DLG2: variants seen among roughly 807,000 people sequenced by gnomAD.
DLG2 encodes the protein disks large homolog 2.
DLG2 carries 45 observed loss-of-function variants against 132.5 expected under a neutral mutation model. That is an observed-to-expected ratio of 0.34 (90% confidence interval 0.27 to 0.44). The LOEUF is 0.44. DLG2 is among the 20% of genes least tolerant of loss of function. DLG2 has a pLI of 1.00. For missense variants in DLG2, 1,045 were observed against 1,196.9 expected (o/e 0.87, Z 1.87); for synonymous variants, 424 against 419.6 (o/e 1.01, Z -0.13).
At chr11:84,622,823 C>T (rs1014698515) in intron 6 of DLG2, among the ~76,000 whole-genome samples, 5 of 152,116 alleles carry the variant, frequency 3.3e-5, no homozygotes, top group African/African-American at 7.2e-5. Context: ...GCTTTGAATG[C>T]CATGTATGTT....
chr11:84,693,963 G>A (rs1048896971), intron 6 of DLG2, among the ~76,000 whole-genome samples: 2 of 151,540 alleles, frequency 1.3e-5, no homozygotes, highest in South Asian at 2.1e-4. Context: ...TGTTCATGGC[G>A]CCATGATTAA....
chr11:85,588,937 C>T (rs942231420), intron 3 of DLG2, among the ~76,000 whole-genome samples: 2 of 152,124 alleles, frequency 1.3e-5, no homozygotes, highest in Non-Finnish European at 2.9e-5. Context: ...ACTGGTATTG[C>T]TCTTCTGAGT....
intron 6 of DLG2, among the ~76,000 whole-genome samples, chr11:85,022,149 A>G (rs1456511085): frequency 6.6e-6 from 1 of 152,078 alleles, no homozygotes; most frequent in Admixed American, 6.5e-5. Flanking sequence ...TAATTAATAG[A>G]CTTAAGGCAC....
chr11:84,071,487 C>G (rs1180828697), intron 10 of DLG2, among the ~76,000 whole-genome samples: 2 of 152,074 alleles, frequency 1.3e-5, no homozygotes, highest in South Asian at 2.1e-4. Flanking sequence ...CTCAGCGCAG[C>G]CTTGAACTCC....
chr11:83,806,626 A>T (rs1176881099), intron 17 of DLG2, among the ~76,000 whole-genome samples: 1 of 152,212 alleles, frequency 6.6e-6, no homozygotes, highest in Non-Finnish European at 1.5e-5. Context: ...CCACGAGGGC[A>T]GTCCCAGCCA....
chr11:85,354,275 A>C (rs2083520298), intron 3 of DLG2, among the ~76,000 whole-genome samples: 1 of 152,160 alleles, frequency 6.6e-6, no homozygotes. Flanking sequence ...TATAAATTAA[A>C]ACTAACTTAA....
At chr11:85,453,792 A>G (rs569528817) in intron 3 of DLG2, 3 of 152,008 alleles carry the variant, frequency 2.0e-5, no homozygotes, top group African/African-American at 7.2e-5. Context: ...CTTTTTTTAA[A>G]TTTTATTTGG....
intron 4 of DLG2, among the ~76,000 whole-genome samples, chr11:85,155,026 C>T (rs1025244132): frequency 6.6e-6 from 1 of 152,204 alleles, no homozygotes; most frequent in African/African-American, 2.4e-5. Context: ...TCTATGGAAG[C>T]TATTGGAGCT....
At chr11:85,373,764 T>G (rs1415536821) in intron 3 of DLG2, among the ~76,000 whole-genome samples, 1 of 152,134 alleles carries the variant, frequency 6.6e-6, no homozygotes, top group Non-Finnish European at 1.5e-5. Context: ...CTTTAAACCA[T>G]CTGTGAGCCT....
intron 15 of DLG2, among the ~76,000 whole-genome samples, chr11:83,916,086 T>C (rs75730118): frequency 0.018 from 2,766 of 152,260 alleles, 90 homozygotes; most frequent in African/African-American, 0.063. Flanking sequence ...TTCTTTTTTC[T>C]GGTTAAATAA....
chr11:85,461,932 C>T (rs534621001), intron 3 of DLG2, among the ~76,000 whole-genome samples: 1 of 152,116 alleles, frequency 6.6e-6, no homozygotes, highest in Non-Finnish European at 1.5e-5. Flanking sequence ...CCAGAATCTA[C>T]AATGAACTCA....
rs147084886 is a variant in DLG2 at position 84,130,052 on chromosome 11, C to T, written c.625-31005G>A. On this transcript the variant is annotated intron_variant, in intron 9 of 27. Transcript: ENST00000376104. ...TTCTCAAAAGTTCTTGCTCATAAAGCTATTCCCTAACTTTATCAATTAAAA... is the reference window on the plus strand; with the variant it reads ...TTCTCAAAAGTTCTTGCTCATAAAGTTATTCCCTAACTTTATCAATTAAAA... 3.6e-4 allele frequency among the ~76,000 whole-genome samples: 54 copies of T among 152,084 alleles called. No homozygotes were observed. The East Asian group carries it at 9.8e-3, about 28-fold the overall frequency.
chr11:84,637,231 AAG>A (rs1220526950), intron 6 of DLG2, among the ~76,000 whole-genome samples: 1 of 152,196 alleles, frequency 6.6e-6, no homozygotes. Flanking sequence ...GAAGTTTACA[AAG>A]AGTTTCCCTT....
chr11:85,055,732 A>T (rs2063386383), intron 6 of DLG2, among the ~76,000 whole-genome samples: 2 of 152,188 alleles, frequency 1.3e-5, no homozygotes, highest in South Asian at 4.1e-4. Context: ...GGAAGAAGGA[A>T]GTCTCTGAGA....
intron 8 of DLG2, among the ~76,000 whole-genome samples, chr11:84,203,568 C>G (rs184896285): frequency 2.2e-3 from 249 of 115,394 alleles, no homozygotes; most frequent in African/African-American, 7.1e-3. Context: ...GGCAACAGAG[C>G]GAGACTCCGT....
At chr11:85,333,860 G>A (rs1159553394) in intron 3 of DLG2, among the ~76,000 whole-genome samples, 2 of 151,158 alleles carry the variant, frequency 1.3e-5, no homozygotes, top group African/African-American at 4.9e-5. Context: ...TTGCACCTAT[G>A]TTTACCTGGG....
At chr11:83,551,680 A>C (rs1054200257) in intron 19 of DLG2, among the ~76,000 whole-genome samples, 2 of 152,104 alleles carry the variant, frequency 1.3e-5, no homozygotes, top group Non-Finnish European at 2.9e-5. Flanking sequence ...TACCCTTCTA[A>C]ATCTCATATG....
chr11:84,686,846 T>G (rs547005587), intron 6 of DLG2: 9 of 152,198 alleles, frequency 5.9e-5, no homozygotes, highest in East Asian at 2.0e-4. Context: ...ATGTTTCTGC[T>G]TCCTGTGATA....
intron 18 of DLG2, among the ~76,000 whole-genome samples, chr11:83,721,841 G>A (rs912440482): frequency 6.6e-6 from 1 of 152,110 alleles, no homozygotes; most frequent in Non-Finnish European, 1.5e-5. Flanking sequence ...GGATATAAAG[G>A]ATGAAAATGT....
Sources: gnomAD v4.1 joint callset for allele counts (sites outside exome capture counted in the v4.1 genomes callset) on GRCh38, gnomAD v4.1.1 for gene constraint, MANE v1.5 for transcripts, NCBI Gene and HGNC (gene_info 2026-07-23, HGNC 2026-07-21) for gene names.